The following ESYT2 variants were observed in gnomAD, a reference collection of about 807,000 sequenced individuals.
ESYT2 encodes extended synaptotagmin-2.
In ESYT2, 54 loss-of-function variants were observed where a neutral mutation model predicts 107.2. That is an observed-to-expected ratio of 0.50 (90% confidence interval 0.40 to 0.63). The LOEUF (loss-of-function observed/expected upper bound fraction) is 0.63, where lower values mean the gene tolerates loss of function less well. ESYT2 is among the 30% of genes least tolerant of loss of function. The probability of loss-of-function intolerance (pLI) is 0.00; values close to 1 mark genes in which losing one functional copy is unlikely to be tolerated. For missense variants in ESYT2, 1,020 were observed against 1,094.5 expected (o/e 0.93, Z 0.96); for synonymous variants, 491 against 434.1 (o/e 1.13, Z -1.63).
At chr7:158,800,566 T>A (rs2788499) in intron 1 of ESYT2, among the ~76,000 whole-genome samples, 149,028 of 152,118 alleles carry the variant, frequency 0.98, 73,014 homozygotes, top group East Asian at 1. Context: ...AATTTTTAAA[T>A]TTTTTTAGAG....
At position 158,829,108 on chromosome 7, in the gene ESYT2, G is replaced by C; in HGVS notation, c.311C>G (p.Ala104Gly). 1 of 1,582,026 alleles carries C rather than the reference G, an allele frequency of 6.3e-7. No homozygotes were observed. Among genetic ancestry groups the C allele is most frequent in the East Asian group, 2.3e-5 (1 of 43,496 alleles). The change falls in exon 1 of 23, where the codon GCC (alanine) becomes GGC (glycine). Residue 104 changes from alanine (A) to glycine (G), a missense_variant. Physicochemically the swap from Ala to Gly is moderately conservative, Grantham distance 60. Coordinates refer to ENST00000275418, the MANE Select transcript of ESYT2 (RefSeq NM_001367773.1). ...EERVVRLGVR[A>G]CDLPAWVHFP... ...ACTCACCCAGGCGGGCAGGTCGCAG[G>C]CGCGCACCCCCAGGCGCACGACGCG...
intron 1 of ESYT2, among the ~76,000 whole-genome samples, chr7:158,807,975 C>T (rs1017281060): frequency 6.6e-6 from 1 of 152,198 alleles, no homozygotes; most frequent in African/African-American, 2.4e-5. Flanking sequence ...GTAGGGCCGT[C>T]CAGCCTCTCT....
chr7:158,792,683 G>T (rs561422804), intron 4 of ESYT2, among the ~76,000 whole-genome samples: 2 of 151,074 alleles, frequency 1.3e-5, no homozygotes, highest in Admixed American at 1.3e-4. Flanking sequence ...TTGAAGAGAA[G>T]TAGTGAAAGA....
intron 8 of ESYT2, among the ~76,000 whole-genome samples, chr7:158,765,333 T>G (rs1385092827): frequency 6.6e-6 from 1 of 152,240 alleles, no homozygotes; most frequent in Non-Finnish European, 1.5e-5. Context: ...AGACATGTAG[T>G]AACTATGCTG....
chr7:158,735,142 A>G (rs759380108), intron 21 of ESYT2, among the ~76,000 whole-genome samples: 7 of 152,246 alleles, frequency 4.6e-5, no homozygotes, highest in Admixed American at 2.6e-4. Flanking sequence ...TCATTCCTAA[A>G]TAACATACAC....
intron 1 of ESYT2, among the ~76,000 whole-genome samples, chr7:158,825,969 G>T (rs557522607): frequency 2.0e-5 from 3 of 150,572 alleles, no homozygotes; most frequent in Non-Finnish European, 4.4e-5. Flanking sequence ...AGGATGCCTC[G>T]AGGCCAAAAG....
chr7:158,794,520 A>T (rs1184715580), intron 3 of ESYT2, among the ~76,000 whole-genome samples: 2 of 152,156 alleles, frequency 1.3e-5, no homozygotes, highest in African/African-American at 4.8e-5. Flanking sequence ...ACTGGGCACA[A>T]TGGCTCAAAG....
chr7:158,744,022 T>C (rs922908060), intron 16 of ESYT2: 10 of 205,280 alleles, frequency 4.9e-5, no homozygotes, highest in Non-Finnish European at 8.7e-5. Flanking sequence ...TGCAGTGAGC[T>C]GATATCGCGC....
At chr7:158,786,023 T>C (rs2129473143) in intron 6 of ESYT2, among the ~76,000 whole-genome samples, 1 of 152,286 alleles carries the variant, frequency 6.6e-6, no homozygotes, top group East Asian at 1.9e-4. Flanking sequence ...TATTTTCCAG[T>C]AAAATAAACT....
chr7:158,740,118 G>C (rs1267911472), intron 18 of ESYT2, among the ~76,000 whole-genome samples: 1 of 152,230 alleles, frequency 6.6e-6, no homozygotes, highest in Non-Finnish European at 1.5e-5. Context: ...AGCTTTGACT[G>C]ACGAGAGGCT....
intron 1 of ESYT2, among the ~76,000 whole-genome samples, chr7:158,801,186 G>C (rs909668158): frequency 5.3e-5 from 8 of 152,208 alleles, no homozygotes; most frequent in African/African-American, 1.9e-4. Context: ...TTCTATTCTG[G>C]AATGAACAGA....
intron 5 of ESYT2, 118 bp downstream of exon 5, chr7:158,788,227 C>A: frequency 1.7e-6 from 2 of 1,186,084 alleles, no homozygotes; most frequent in South Asian, 1.4e-5. Flanking sequence ...TGACCTACAG[C>A]TAAAAACTGA....
chr7:158,738,595 C>G (rs1837070261), intron 19 of ESYT2, among the ~76,000 whole-genome samples: 1 of 151,014 alleles, frequency 6.6e-6, no homozygotes. Flanking sequence ...GCTGGGATTA[C>G]AGGCATGCAC....
chr7:158,755,453 T>C (rs1407619955), intron 13 of ESYT2, among the ~76,000 whole-genome samples: 4 of 152,232 alleles, frequency 2.6e-5, no homozygotes, highest in African/African-American at 7.2e-5. Context: ...AGACACTTCC[T>C]TTCTGCAAAA....
Position 158,798,034 on chromosome 7 carries a change from T to C in ESYT2, c.415A>G (p.Lys139Glu), listed in dbSNP as rs747143607. The change falls in exon 3 of 23, where the codon AAG becomes GAG. Residue 139 changes from lysine to glutamate, a missense_variant. Physicochemically the swap from Lys to Glu is moderately conservative, Grantham distance 56 (BLOSUM62 1). Transcript: ENST00000275418. ...GGTTCTATAGTTTCTCGAAACAACT[T>C]CTCTATAAATTGGCAAATGAAAGGC... ...MWPFICQFIE[K>E]LFRETIEPAV... is the part of the protein sequence containing the mutation. 7 of 1,614,108 alleles carry C rather than the reference T, an allele frequency of 4.3e-6. No homozygotes were observed. The highest frequency in any genetic ancestry group is 5.9e-6 in the Non-Finnish European group (7 of 1,180,022).
chr7:158,799,291 T>C (rs1278593458), intron 1 of ESYT2, among the ~76,000 whole-genome samples: 3 of 152,214 alleles, frequency 2.0e-5, no homozygotes, highest in Non-Finnish European at 4.4e-5. Flanking sequence ...AGCAAAAAAG[T>C]TGTGTGTGGA....
chr7:158,770,902 T>C (rs1302365650), intron 7 of ESYT2, among the ~76,000 whole-genome samples: 1 of 152,110 alleles, frequency 6.6e-6, no homozygotes, highest in Non-Finnish European at 1.5e-5. Flanking sequence ...ATAGTTCAGC[T>C]ACTTGGGAGG....
At chr7:158,788,525 A>C in intron 4 of ESYT2, 108 bp from the exon 5 acceptor site, 1 of 960,958 alleles carries the variant, frequency 1.0e-6, no homozygotes, top group East Asian at 2.7e-5. Flanking sequence ...AAAGCAACCA[A>C]ATCAGATTGT....
Position 158,829,373 on chromosome 7 carries a change from C to A in ESYT2, c.46G>T (p.Ala16Ser), listed in dbSNP as rs1300472735. The A allele has an allele frequency of 1.3e-5, 17 of 1,279,194 alleles. No homozygotes were observed. The highest frequency in any genetic ancestry group is 1.6e-5 in the Non-Finnish European group (16 of 1,020,396). 79.2% of individuals were successfully genotyped at this position (1,279,194 alleles called of 1,614,324 possible). ...TTCTCAGGCGCCGCGCGGCCCCCAG[C>A]CCCGCCGGCGCCCGCCTCCGGGCCC... ...GEGPEAGAGG[A>S]GGRAAPENPG... The change falls in exon 1 of 23, where the codon GCT (alanine) becomes TCT (serine). Residue 16 changes from alanine (A) to serine (S), a missense_variant. Ala to Ser is a moderately conservative substitution (Grantham distance 99). Transcript: ENST00000275418.
Sources: gnomAD v4.1 joint callset for allele counts (sites outside exome capture counted in the v4.1 genomes callset) on GRCh38, gnomAD v4.1.1 for gene constraint, MANE v1.5 for transcripts, NCBI Gene and HGNC (gene_info 2026-07-23, HGNC 2026-07-21) for gene names.